MAGI2: variants seen among roughly 807,000 people sequenced by gnomAD.
MAGI2 encodes membrane-associated guanylate kinase, WW and PDZ domain-containing protein 2.
A neutral mutation model predicts 133.3 loss-of-function variants in MAGI2; 35 were observed. The observed-to-expected ratio is 0.26, with a 90% CI of 0.20 to 0.35. The LOEUF is 0.35. MAGI2 is among the 10% of genes least tolerant of loss of function. MAGI2 has a pLI of 1.00. For synonymous variants in MAGI2, 729 were observed against 710.6 expected (o/e 1.03, Z -0.41); for missense variants, 1,636 against 1,863.4 (o/e 0.88, Z 2.25).
chr7:78,375,630 G>A (rs752931282), intron 6 of MAGI2, among the ~76,000 whole-genome samples: 12 of 152,096 alleles, frequency 7.9e-5, no homozygotes, highest in South Asian at 4.1e-4. Flanking sequence ...TAGAGGTAAT[G>A]ACTGTACAAA....
intron 20 of MAGI2, among the ~76,000 whole-genome samples, chr7:78,114,233 A>G (rs3823792): frequency 0.87 from 132,084 of 152,288 alleles, 57,786 homozygotes; most frequent in African/African-American, 0.94. Flanking sequence ...AGGAAGAAAT[A>G]GAGTGAGCTT....
At chr7:78,080,717 T>C (rs1815865925) in intron 20 of MAGI2, among the ~76,000 whole-genome samples, 1 of 152,206 alleles carries the variant, frequency 6.6e-6, no homozygotes, top group Non-Finnish European at 1.5e-5. Context: ...ACAGCAACTC[T>C]AACTCAACAG....
At chr7:78,540,176 G>C (rs2150665630) in intron 3 of MAGI2, among the ~76,000 whole-genome samples, 1 of 152,312 alleles carries the variant, frequency 6.6e-6, no homozygotes, top group East Asian at 1.9e-4. Context: ...TTGGCTACTA[G>C]GGTGGGTAGA....
At chr7:79,397,002 A>G (rs1349948692) in intron 1 of MAGI2, among the ~76,000 whole-genome samples, 1 of 151,850 alleles carries the variant, frequency 6.6e-6, no homozygotes, top group South Asian at 2.1e-4. Context: ...CTTTCTTTAT[A>G]TCCCCACTAA....
chr7:78,894,417 A>C (rs1189862567), intron 2 of MAGI2, among the ~76,000 whole-genome samples: 2 of 152,186 alleles, frequency 1.3e-5, no homozygotes, highest in Non-Finnish European at 2.9e-5. Flanking sequence ...ACAAAAAAAA[A>C]CTTTTATTCT....
chr7:78,220,343 C>T (rs1421556376), intron 10 of MAGI2, among the ~76,000 whole-genome samples: 1 of 152,200 alleles, frequency 6.6e-6, no homozygotes, highest in Non-Finnish European at 1.5e-5. Context: ...CGTGTCCCCC[C>T]ACCCATGGTA....
intron 2 of MAGI2, among the ~76,000 whole-genome samples, chr7:78,678,458 T>C (rs1330265832): frequency 6.6e-6 from 1 of 152,144 alleles, no homozygotes; most frequent in African/African-American, 2.4e-5. Flanking sequence ...ATTAGTAGGG[T>C]GGTAAGGTTT....
At chr7:78,997,142 C>G (rs939979785) in intron 2 of MAGI2, among the ~76,000 whole-genome samples, 3 of 152,126 alleles carry the variant, frequency 2.0e-5, no homozygotes, top group Non-Finnish European at 4.4e-5. Context: ...TGTTGAGCAG[C>G]AAGTGAAACT....
At chr7:79,098,731 A>G (rs1817721586) in intron 1 of MAGI2, among the ~76,000 whole-genome samples, 1 of 152,202 alleles carries the variant, frequency 6.6e-6, no homozygotes, top group Non-Finnish European at 1.5e-5. Context: ...TTTGACATAC[A>G]CCATAATTAA....
At chr7:78,867,848 A>C (rs1200893171) in intron 2 of MAGI2, among the ~76,000 whole-genome samples, 2 of 152,132 alleles carry the variant, frequency 1.3e-5, no homozygotes, top group Non-Finnish European at 2.9e-5. Context: ...GAAAGGGTCT[A>C]CTACAGCCTC....
intron 10 of MAGI2, among the ~76,000 whole-genome samples, chr7:78,243,592 C>T (rs1259366536): frequency 6.6e-6 from 1 of 151,934 alleles, no homozygotes; most frequent in Non-Finnish European, 1.5e-5. Flanking sequence ...GTCTATGATA[C>T]CTCTTAAATA....
At chr7:78,481,583 C>T (rs891196595) in intron 6 of MAGI2, among the ~76,000 whole-genome samples, 1 of 151,640 alleles carries the variant, frequency 6.6e-6, no homozygotes, top group South Asian at 2.1e-4. Context: ...CAGTGTGGTA[C>T]AAGTGAAGGG....
At chr7:79,285,708 A>T (rs1027872897) in intron 1 of MAGI2, among the ~76,000 whole-genome samples, 6 of 152,094 alleles carry the variant, frequency 3.9e-5, no homozygotes, top group Non-Finnish European at 7.4e-5. Flanking sequence ...ATCACAAAGG[A>T]TACACTCACA....
At chr7:78,703,402 G>A (rs1261077997) in intron 2 of MAGI2, among the ~76,000 whole-genome samples, 13 of 151,980 alleles carry the variant, frequency 8.6e-5, no homozygotes. Flanking sequence ...AATATTAATG[G>A]TGCAGGTTTT....
In MAGI2 at chr7:79,216,509, T is replaced by G. The variant is rs1391265047; in HGVS notation, c.302-209303A>C. On this transcript the variant is annotated intron_variant, in intron 1 of 21. Coordinates refer to ENST00000354212, the MANE Select transcript of MAGI2 (RefSeq NM_012301.4). ...GGATGGCAAAGCTAAAAGAGTGCAC[T>G]GTAATACAGGCCCACTTGAGCTTCG... is the stretch of plus-strand genomic sequence containing the variant. Among the ~76,000 whole-genome samples, 9 of 152,122 alleles carry G rather than the reference T, an allele frequency of 5.9e-5. No individual in the cohort carries two copies. The South Asian group carries it at 1.9e-3, about 32-fold the overall frequency.
chr7:78,655,087 T>C (rs1210292563), intron 2 of MAGI2, among the ~76,000 whole-genome samples: 1 of 151,722 alleles, frequency 6.6e-6, no homozygotes, highest in Non-Finnish European at 1.5e-5. Flanking sequence ...AAATATCTTG[T>C]GTATACCATA....
chr7:78,677,240 T>C (rs1357585339), intron 2 of MAGI2, among the ~76,000 whole-genome samples: 3 of 151,896 alleles, frequency 2.0e-5, no homozygotes, highest in African/African-American at 7.2e-5. Context: ...ATTTATCAAT[T>C]GTGTTGATCT....
At chr7:78,511,308 C>T (rs1490953945) in intron 4 of MAGI2, among the ~76,000 whole-genome samples, 1 of 151,702 alleles carries the variant, frequency 6.6e-6, no homozygotes, top group African/African-American at 2.4e-5. Flanking sequence ...ATAGATTATA[C>T]TCTGTAATGA....
chr7:78,743,956 A>G (rs564940631), intron 2 of MAGI2, among the ~76,000 whole-genome samples: 90 of 152,168 alleles, frequency 5.9e-4, no homozygotes, highest in African/African-American at 2.1e-3. Context: ...ATTCTTTTTA[A>G]TCTACTTTTT....
Sources: gnomAD v4.1 joint callset for allele counts (sites outside exome capture counted in the v4.1 genomes callset) on GRCh38, gnomAD v4.1.1 for gene constraint, MANE v1.5 for transcripts, NCBI Gene and HGNC (gene_info 2026-07-23, HGNC 2026-07-21) for gene names.